The following CDH4 variants were observed in gnomAD, a reference collection of about 807,000 sequenced individuals.
CDH4 encodes the protein cadherin-4.
In CDH4, 33 loss-of-function variants were observed where a neutral mutation model predicts 86.0. The ratio of observed to expected loss-of-function variants is 0.38; its 90% CI spans 0.29 to 0.51. The LOEUF (loss-of-function observed/expected upper bound fraction) is 0.51. Among genes scored for constraint, CDH4 ranks in the 20% least tolerant of loss-of-function variants. The pLI is 0.86. For missense variants in CDH4, 1,114 were observed against 1,307.4 expected (o/e 0.85, Z 2.28); for synonymous variants, 555 against 549.4 (o/e 1.01, Z -0.14).
chr20:61,439,327 C>T (rs62200869), intron 2 of CDH4, among the ~76,000 whole-genome samples: 25,496 of 152,066 alleles, frequency 0.17, 2,233 homozygotes, highest in Non-Finnish European at 0.18. Flanking sequence ...AGCTCAGAGG[C>T]GTCAAACAGC....
Position 61,810,857 on chromosome 20 carries a change from C to T in CDH4, c.577-33811C>T, listed in dbSNP as rs6061838. Among the ~76,000 whole-genome samples the T allele has an allele frequency of 0.01, 1,566 of 152,262 alleles. 22 individuals carry two copies. The highest frequency in any genetic ancestry group is 0.032 in the African/African-American group (1,347 of 41,558). On this transcript the variant is annotated intron_variant, in intron 4 of 15. Coordinates refer to ENST00000614565, the MANE Select transcript of CDH4 (RefSeq NM_001794.5). The surrounding 1 kb of genome is among the most constrained non-coding windows in gnomAD (Gnocchi z 4.3). ...TCAACAGAGCCACTGCCCCTTGGCC[C>T]GGCTTCTCCAGAACGCAGCCAGCAC...
intron 2 of CDH4, among the ~76,000 whole-genome samples, chr20:61,605,615 C>G (rs1248599653): frequency 6.6e-6 from 1 of 151,890 alleles, no homozygotes; most frequent in Non-Finnish European, 1.5e-5. Flanking sequence ...GTTTCTGTCT[C>G]TCTCTCTGTC....
chr20:61,452,794 G>A (rs902625002), intron 2 of CDH4, among the ~76,000 whole-genome samples: 2 of 152,156 alleles, frequency 1.3e-5, no homozygotes, highest in Non-Finnish European at 2.9e-5. Flanking sequence ...TGAGAAAGTG[G>A]CCCCTGGCAG....
chr20:61,665,299 A>AG (rs2087310675), intron 2 of CDH4, among the ~76,000 whole-genome samples: 1 of 152,240 alleles, frequency 6.6e-6, no homozygotes, highest in East Asian at 1.9e-4. Context: ...TCAATTCGGC[A>AG]GCTGTTTCTG....
intron 2 of CDH4, among the ~76,000 whole-genome samples, chr20:61,358,500 A>C (rs889793023): frequency 6.6e-5 from 10 of 152,228 alleles, no homozygotes. Context: ...ATAAACTATA[A>C]GCTTCCCATC....
At chr20:61,560,870 C>T (rs2086211955) in intron 2 of CDH4, among the ~76,000 whole-genome samples, 1 of 152,216 alleles carries the variant, frequency 6.6e-6, no homozygotes, top group African/African-American at 2.4e-5. Context: ...CCCCAGCCAG[C>T]GGACATGGAA....
chr20:61,626,235 AG>A lies in CDH4; in HGVS notation c.170-117324del, dbSNP rs1170272245. Among the ~76,000 whole-genome samples the A allele has an allele frequency of 2.6e-5, 4 of 152,268 alleles. No individual in the cohort carries two copies. The East Asian group carries it at 7.7e-4, about 29-fold the overall frequency. On this transcript the variant is annotated intron_variant, in intron 2 of 15. Transcript: ENST00000614565. Reference sequence around the variant, plus strand: ...GGTCAGGGAACGGCGGAGCAGGCCAAGGGGTGGGGGTCAGTTTTAAATGGGA... The same window carrying A: ...GGTCAGGGAACGGCGGAGCAGGCCAAGGGTGGGGGTCAGTTTTAAATGGGA...
chr20:61,855,607 C>A (rs4925200), intron 6 of CDH4, among the ~76,000 whole-genome samples: 24,948 of 152,214 alleles, frequency 0.16, 2,149 homozygotes, highest in East Asian at 0.29. Context: ...ACAAATCAAA[C>A]CTCCCGTGTC....
chr20:61,352,632 G>C (rs955549410), intron 2 of CDH4, among the ~76,000 whole-genome samples: 10 of 152,186 alleles, frequency 6.6e-5, no homozygotes, highest in Admixed American at 2.0e-4. Flanking sequence ...GGTTCTGCTG[G>C]GGTAGGCCGT....
chr20:61,724,552 C>T (rs2088087328), intron 2 of CDH4, among the ~76,000 whole-genome samples: 1 of 152,354 alleles, frequency 6.6e-6, no homozygotes, highest in Non-Finnish European at 1.5e-5. Flanking sequence ...CCCTTCCAGA[C>T]AGAAGAGGCA....
intron 2 of CDH4, among the ~76,000 whole-genome samples, chr20:61,268,615 G>T (rs1468137507): frequency 6.6e-6 from 1 of 152,150 alleles, no homozygotes; most frequent in African/African-American, 2.4e-5. Context: ...GTTTGGTGCT[G>T]CCCTTGTGGT....
At chr20:61,740,987 G>A (rs2088325643) in intron 2 of CDH4, 1 of 152,354 alleles carries the variant, frequency 6.6e-6, no homozygotes, top group Admixed American at 6.5e-5. Context: ...AAGGCGGGTG[G>A]ATCACCTGAG....
chr20:61,438,914 TAAA>T (rs565025226), intron 2 of CDH4, among the ~76,000 whole-genome samples: 1 of 140,924 alleles, frequency 7.1e-6, no homozygotes. Flanking sequence ...AAAAATTAGC[TAAA>T]AAAAAAAAAC....
chr20:61,589,646 G>A (rs535662971), intron 2 of CDH4, among the ~76,000 whole-genome samples: 1 of 152,048 alleles, frequency 6.6e-6, no homozygotes, highest in Non-Finnish European at 1.5e-5. Context: ...AAGGATTCAT[G>A]GTTGACATTG....
chr20:61,586,157 G>A (rs2086472760), intron 2 of CDH4, among the ~76,000 whole-genome samples: 1 of 151,772 alleles, frequency 6.6e-6, no homozygotes, highest in Non-Finnish European at 1.5e-5. Context: ...TTGTGGTGAT[G>A]GGGAAATGAT....
chr20:61,259,239 A>G (rs1424013197), intron 2 of CDH4, among the ~76,000 whole-genome samples: 1 of 152,210 alleles, frequency 6.6e-6, no homozygotes, highest in Non-Finnish European at 1.5e-5. Context: ...CAGTGTCTGG[A>G]ATCCATATCT....
chr20:61,271,596 C>T (rs2084183313), intron 2 of CDH4, among the ~76,000 whole-genome samples: 1 of 152,228 alleles, frequency 6.6e-6, no homozygotes. Context: ...GTTCTCAGGT[C>T]TGTGCTCACA....
At chr20:61,918,777 T>C (rs1317659911) in intron 9 of CDH4, among the ~76,000 whole-genome samples, 1 of 152,184 alleles carries the variant, frequency 6.6e-6, no homozygotes, top group Non-Finnish European at 1.5e-5. Context: ...AACTGTGATC[T>C]CTGCCACTCC....
chr20:61,304,266 C>CCG (rs929100405), intron 2 of CDH4, among the ~76,000 whole-genome samples: 3 of 151,648 alleles, frequency 2.0e-5, no homozygotes, highest in African/African-American at 7.3e-5. Flanking sequence ...GGACGGCACC[C>CCG]CCCCAACCCC....
Sources: allele counts gnomAD v4.1 joint callset (sites outside exome capture counted in the v4.1 genomes callset), GRCh38; gene constraint gnomAD v4.1.1; non-coding constraint Gnocchi (gnomAD v3.1); transcripts MANE v1.5; gene names NCBI Gene and HGNC (gene_info 2026-07-23, HGNC 2026-07-21).